The following MYMK variants were observed in gnomAD, a reference collection of about 807,000 sequenced individuals.
MYMK encodes the protein protein myomaker.
Under a neutral mutation model 22.4 loss-of-function variants are expected in MYMK, and 16 were observed. The ratio of observed to expected loss-of-function variants is 0.72; its 90% CI spans 0.48 to 1.09. The LOEUF is 1.09. MYMK is among the 50% of genes least tolerant of loss of function. The pLI, the probability that MYMK is intolerant of heterozygous loss-of-function variation, is 0.00. For missense variants in MYMK, 250 were observed against 295.6 expected (o/e 0.85, Z 1.13); for synonymous variants, 125 against 127.0 (o/e 0.98, Z 0.11).
At position 133,524,851 on chromosome 9, in the gene MYMK, G is replaced by T; in HGVS notation, c.-7C>A. ...TGGCCACCAGCGTCCCCATGGGCCA[G>T]GAGGAAAGCACTGGCTGGGGTGGGG... On this transcript the variant is annotated 5_prime_UTR_variant, in exon 1 of 5. The change creates a new upstream start codon in the 5' untranslated region. Transcript: ENST00000339996. 2 of 1,603,276 alleles carry T rather than the reference G, an allele frequency of 1.2e-6. No homozygotes were observed. Among genetic ancestry groups the T allele is most frequent in the Non-Finnish European group, 1.7e-6 (2 of 1,174,402 alleles).
intron 3 of MYMK, among the ~76,000 whole-genome samples, chr9:133,517,647 C>CTCT (rs1844646726): frequency 7.3e-6 from 1 of 136,320 alleles, no homozygotes; most frequent in Non-Finnish European, 1.5e-5. Context: ...GCCTGGGTGA[C>CTCT]AAGAGCAAAA....
chr9:133,516,364 G>C (rs987936001), intron 3 of MYMK, among the ~76,000 whole-genome samples: 2 of 152,210 alleles, frequency 1.3e-5, no homozygotes, highest in African/African-American at 4.8e-5. Flanking sequence ...CAGCCTTGTT[G>C]GGGAGGAAGG....
chr9:133,518,780 G>C (rs1413072335), intron 3 of MYMK, 94 bp downstream of exon 3: 2 of 1,490,832 alleles, frequency 1.3e-6, no homozygotes, highest in African/African-American at 2.8e-5. Flanking sequence ...ATGAGGGCAG[G>C]AGGTAAATGA....
Position 133,524,262 on chromosome 9 carries a change from C to G in MYMK, c.135+448G>C, listed in dbSNP as rs149261086. ...AGACTCACTCACCCAGGCCTTCACA[C>G]TCCCTGAACCCTGCAGACCCCTTCC... is the stretch of plus-strand genomic sequence containing the variant. On this transcript the variant is annotated intron_variant, in intron 1 of 4. Coordinates refer to ENST00000339996, the MANE Select transcript of MYMK (RefSeq NM_001080483.3). 2.8e-3 allele frequency among the ~76,000 whole-genome samples: 423 copies of G among 152,302 alleles called. 3 individuals are homozygous for G. The highest frequency in any genetic ancestry group is 9.3e-3 in the African/African-American group (387 of 41,554).
intron 1 of MYMK, among the ~76,000 whole-genome samples, chr9:133,521,479 T>G (rs1215261275): frequency 1.3e-5 from 2 of 152,096 alleles, no homozygotes; most frequent in East Asian, 3.9e-4. Context: ...CTGATGGCAA[T>G]TGTACACGGC....
chr9:133,517,648 A>G (rs1327335319), intron 3 of MYMK, among the ~76,000 whole-genome samples: 1 of 147,976 alleles, frequency 6.8e-6, no homozygotes, highest in East Asian at 2.0e-4. Context: ...CCTGGGTGAC[A>G]AGAGCAAAAC....
Position 133,524,784 on chromosome 9 carries a change from T to TG in MYMK, c.60dup (p.Thr21HisfsTer91). 1 of 1,613,970 alleles carries TG rather than the reference T, an allele frequency of 6.2e-7. No homozygotes were observed. The highest frequency in any genetic ancestry group is 2.2e-5 in the East Asian group (1 of 44,844). ...CGCCTCTTGGCCGCGATGCTGACAGTGGGGAGGAAGGCCAGGCTGCTGAGG... is the reference window on the plus strand; with the variant it reads ...CGCCTCTTGGCCGCGATGCTGACAGTGGGGGAGGAAGGCCAGGCTGCTGAGG... On this transcript the variant is annotated frameshift_variant, in exon 1 of 5. Transcript: ENST00000339996. LOFTEE classifies it high-confidence loss of function.
Position 133,520,256 on chromosome 9 carries a change from A to G in MYMK, c.168T>C (p.Ser56=). The G allele has an allele frequency of 6.2e-7, 1 of 1,614,180 alleles. No individual in the cohort carries two copies. The highest frequency in any genetic ancestry group is 8.5e-7 in the Non-Finnish European group (1 of 1,180,032). The part of the protein sequence containing the change: ...LHHACNGPGL[S]VLCFMRHDIL... ...TGTCGTGACGCATGAAGCACAGCAC[A>G]GACAAGCCGGGTCCATTGCAGGCAT... The change falls in exon 2 of 5, where the codon TCT becomes TCC. Residue 56 remains serine, a synonymous_variant. Coordinates refer to ENST00000339996, the MANE Select transcript of MYMK (RefSeq NM_001080483.3).
chr9:133,514,586 C>A lies in MYMK; in HGVS notation c.*50G>T. ...AGGAGAAACTGTCTGGGACTCTGGC[C>A]AAGTGTGAGCTGGGGAGGGCAGGGG... On this transcript the variant is annotated 3_prime_UTR_variant, in exon 5 of 5. Coordinates refer to ENST00000339996, the MANE Select transcript of MYMK (RefSeq NM_001080483.3). The A allele has an allele frequency of 1.9e-6, 3 of 1,574,226 alleles. No individual in the cohort carries two copies. Among genetic ancestry groups the A allele is most frequent in the Non-Finnish European group, 2.6e-6 (3 of 1,159,696 alleles).
Position 133,524,958 on chromosome 9 carries a change from C to T in MYMK, c.-114G>A, listed in dbSNP as rs566932584. 4.6e-5 allele frequency: 58 copies of T among 1,262,116 alleles called. No individual in the cohort carries two copies. The highest frequency in any genetic ancestry group is 6.2e-5 in the Non-Finnish European group (57 of 920,532). 78.2% of individuals were successfully genotyped at this position (1,262,116 alleles called of 1,614,324 possible). A position where few individuals can be genotyped will look rare whatever the true frequency, so the allele number is the denominator to read the frequency against. On this transcript the variant is annotated 5_prime_UTR_variant, in exon 1 of 5. Transcript: ENST00000339996. The stretch of plus-strand genomic sequence containing the variant: ...CCTTTGGGCAGGGCTCTGATGGCAG[C>T]TGCGGGGAGCACCCACAAGAGGGTT...
At position 133,518,954 on chromosome 9, in the gene MYMK, G is replaced by T. The variant is rs756238583; in HGVS notation, c.319C>A (p.Arg107=). 3 of 1,613,986 alleles carry T rather than the reference G, an allele frequency of 1.9e-6. No homozygotes were observed. The highest frequency in any genetic ancestry group is 1.7e-5 in the Admixed American group (1 of 60,016). ...VMFGVLTIAV[R]IYHDRWGYGV... ...TAGCCCCATCGGTCATGGTAGATCC[G>T]CACAGCAATGGTCAGGACGCCGAAC... Residue 107 remains arginine (R), a synonymous_variant, in exon 3 of 5, where the codon CGG becomes AGG. Coordinates refer to ENST00000339996, the MANE Select transcript of MYMK (RefSeq NM_001080483.3).
intron 2 of MYMK, 21 bp downstream of exon 2, chr9:133,520,153 C>T (rs952131222): frequency 3.1e-6 from 5 of 1,599,292 alleles, no homozygotes; most frequent in Non-Finnish European, 4.3e-6. Context: ...CAAGGCTTGT[C>T]TGCAGGGGTT....
chr9:133,521,682 T>C (rs1844704798), intron 1 of MYMK, among the ~76,000 whole-genome samples: 1 of 152,112 alleles, frequency 6.6e-6, no homozygotes, highest in Admixed American at 6.5e-5. Context: ...TGGACATGAC[T>C]GTTTACCTTG....
At chr9:133,516,362 T>A (rs960747019) in intron 3 of MYMK, among the ~76,000 whole-genome samples, 1 of 152,032 alleles carries the variant, frequency 6.6e-6, no homozygotes, top group African/African-American at 2.4e-5. Flanking sequence ...GACAGCCTTG[T>A]TGGGGAGGAA....
rs1333320308 is a variant in MYMK at position 133,515,998 on chromosome 9, C to T, written c.400-391G>A. ...AAGTACTGGAGTACTTGGGACCTGC[C>T]AGCCCAGTGTGGCCCATGGGGATGG... On this transcript the variant is annotated intron_variant, in intron 3 of 4. Coordinates refer to ENST00000339996, the MANE Select transcript of MYMK (RefSeq NM_001080483.3). This position sits in a 1 kb window ranked among gnomAD's most constrained non-coding sequence, Gnocchi z 5.8. Among the ~76,000 whole-genome samples, 1 of 152,218 alleles carries T rather than the reference C, an allele frequency of 6.6e-6. No homozygotes were observed. The highest frequency in any genetic ancestry group is 1.5e-5 in the Non-Finnish European group (1 of 68,036).
Position 133,515,046 on chromosome 9 carries a change from C to T in MYMK, c.517-261G>A, listed in dbSNP as rs1414993228. On this transcript the variant is annotated intron_variant, in intron 4 of 4. Coordinates refer to ENST00000339996, the MANE Select transcript of MYMK (RefSeq NM_001080483.3). This position sits in a 1 kb window ranked among gnomAD's most constrained non-coding sequence, Gnocchi z 5.8. ...TCTGCTGTCCTTCTCTTCCTCCATC[C>T]TTCTCTCCCTCCTACCCTCCCTCCC... Among the ~76,000 whole-genome samples, 1 of 152,088 alleles carries T rather than the reference C, an allele frequency of 6.6e-6. No individual in the cohort carries two copies. The highest frequency in any genetic ancestry group is 2.4e-5 in the African/African-American group (1 of 41,408).
rs749658616 is a variant in MYMK, at chr9:133,524,895, G to A, written c.-51C>T. 3.9e-6 allele frequency: 6 copies of A among 1,554,658 alleles called. No homozygotes were observed. In the African/African-American group the frequency reaches 6.8e-5, roughly 18 times the overall value. On this transcript the variant is annotated 5_prime_UTR_variant, in exon 1 of 5. Transcript: ENST00000339996. ...GGTGGGGAGGGTGCTGGTGTCCCAG[G>A]TCCCCAGCACAGGAGCACGAAGTGG...
Position 133,514,684 on chromosome 9 carries a change from C to T in MYMK, c.618G>A (p.Gly206=). The T allele has an allele frequency of 6.2e-7, 1 of 1,613,948 alleles. No homozygotes were observed. The highest frequency in any genetic ancestry group is 8.5e-7 in the Non-Finnish European group (1 of 1,179,852). ...TGGAGCAGTCCAGCTTGGCCGGGGT[C>T]CCCGGGGATCCAGCCTTCTTGTTGA... ...PKVNKKAGSP[G]TPAKLDCSTL... The change falls in exon 5 of 5, where the codon GGG becomes GGA. Residue 206 remains glycine (G), a synonymous_variant. Coordinates refer to ENST00000339996, the MANE Select transcript of MYMK (RefSeq NM_001080483.3).
rs1564483643 is a variant in MYMK at position 133,515,635 on chromosome 9, CT to C, written c.400-29del. ...GTGAGGACAGGAGGCCACAGCAAAG[CT>C]TTTAGGTCACAGCACTGGGGAACGC... is the stretch of plus-strand genomic sequence containing the variant. On this transcript the variant is annotated intron_variant, in intron 3 of 4. Coordinates refer to ENST00000339996, the MANE Select transcript of MYMK (RefSeq NM_001080483.3). This position sits in a 1 kb window ranked among gnomAD's most constrained non-coding sequence, Gnocchi z 5.8. 6.6e-7 allele frequency: 1 copy of C among 1,509,944 alleles called. No individual in the cohort carries two copies. Among genetic ancestry groups the C allele is most frequent in the East Asian group, 2.3e-5 (1 of 44,316 alleles). The allele number at this position is 1,509,944 out of a possible 1,614,324, so 93.5% of individuals were successfully genotyped here. A position where few individuals can be genotyped will look rare whatever the true frequency, so the allele number is the denominator to read the frequency against.
Sources: gnomAD v4.1 joint callset for allele counts (sites outside exome capture counted in the v4.1 genomes callset) on GRCh38, gnomAD v4.1.1 for gene constraint, Gnocchi (gnomAD v3.1) non-coding constraint, MANE v1.5 for transcripts, NCBI Gene and HGNC (gene_info 2026-07-23, HGNC 2026-07-21) for gene names.